TANC1: variants seen among roughly 807,000 people sequenced by gnomAD.
TANC1 encodes the protein protein TANC1.
Under a neutral mutation model 149.7 loss-of-function variants are expected in TANC1, and 77 were observed. The observed-to-expected ratio is 0.51, with a 90% CI of 0.43 to 0.62. The LOEUF (loss-of-function observed/expected upper bound fraction) is 0.62. TANC1 is among the 20% of genes least tolerant of loss of function. The probability of loss-of-function intolerance (pLI) is 0.00; values close to 1 mark genes in which losing one functional copy is unlikely to be tolerated. For synonymous variants in TANC1, 854 were observed against 925.0 expected, an observed-to-expected ratio of 0.92 and a Z score of 1.39; for missense variants, 1,985 against 2,321.8, an observed-to-expected ratio of 0.85 and a Z score of 2.98.
chr2:159,099,874 C>G (rs981521856), intron 4 of TANC1, among the ~76,000 whole-genome samples: 1 of 152,134 alleles, frequency 6.6e-6, no homozygotes, highest in South Asian at 2.1e-4. Context: ...TCAACTCTTT[C>G]CCTAACTGCA....
chr2:159,051,539 G>A (rs2041464109), intron 2 of TANC1, among the ~76,000 whole-genome samples: 1 of 152,172 alleles, frequency 6.6e-6, no homozygotes, highest in African/African-American at 2.4e-5. Context: ...ATACCTTCAA[G>A]TATAAGGCTT....
At chr2:159,156,052 A>G (rs573975522) in intron 7 of TANC1, among the ~76,000 whole-genome samples, 153 of 152,326 alleles carry the variant, frequency 1.0e-3, no homozygotes, top group Middle Eastern at 3.4e-3. Context: ...AGGCACACAA[A>G]GATGAATTAA....
intron 19 of TANC1, among the ~76,000 whole-genome samples, chr2:159,217,168 T>C (rs956073583): frequency 2.0e-5 from 3 of 152,086 alleles, no homozygotes; most frequent in African/African-American, 7.2e-5. Context: ...CATCTGGAAC[T>C]GGCAGCCATG....
chr2:159,182,204 T>TGAA (rs2056559268), intron 14 of TANC1, among the ~76,000 whole-genome samples: 1 of 9,526 alleles, frequency 1.0e-4, no homozygotes, highest in African/African-American at 2.2e-4. Flanking sequence ...AACAAAACTG[T>TGAA]CTCAAAAAAA....
chr2:159,225,449 G>C (rs75948878), intron 23 of TANC1: 8,173 of 564,916 alleles, frequency 0.014, 525 homozygotes, highest in African/African-American at 0.14. Flanking sequence ...TTCGCTGCTC[G>C]GATGCCTTCG....
chr2:159,221,509 CT>C (rs1190662873), intron 22 of TANC1, among the ~76,000 whole-genome samples: 3 of 152,204 alleles, frequency 2.0e-5, no homozygotes, highest in African/African-American at 4.8e-5. Flanking sequence ...GCAGGTCCCC[CT>C]GTCTCCCAGC....
chr2:158,999,898 A>G (rs2036474747), intron 1 of TANC1, among the ~76,000 whole-genome samples: 3 of 152,202 alleles, frequency 2.0e-5, no homozygotes, highest in Admixed American at 2.0e-4. Context: ...TTACATAGGT[A>G]TGAGTGGAGT....
At chr2:159,097,922 T>C in intron 4 of TANC1, 88 bp downstream of exon 4, 1 of 1,138,470 alleles carries the variant, frequency 8.8e-7, no homozygotes, top group Non-Finnish European at 1.3e-6. Context: ...AGAAATCTTC[T>C]GGGACAATGT....
intron 2 of TANC1, among the ~76,000 whole-genome samples, chr2:159,030,028 TATTTTGGAGA>T (rs1206235074): frequency 2.0e-5 from 3 of 152,180 alleles, no homozygotes; most frequent in Non-Finnish European, 4.4e-5. Flanking sequence ...CACTGAGAAT[TATTTTGGAGA>T]GAAGTCAACA....
chr2:159,107,913 G>A (rs1403627694), intron 4 of TANC1, among the ~76,000 whole-genome samples: 2 of 152,154 alleles, frequency 1.3e-5, no homozygotes, highest in Non-Finnish European at 2.9e-5. Flanking sequence ...TCTCTGTAAG[G>A]ACTGCTGTCT....
chr2:159,197,044 T>C (rs1435886219), intron 18 of TANC1, among the ~76,000 whole-genome samples: 1 of 152,196 alleles, frequency 6.6e-6, no homozygotes, highest in Non-Finnish European at 1.5e-5. Flanking sequence ...CACTCTCAGC[T>C]CTTCCTCATG....
chr2:159,075,587 A>AAAGAAAAT (rs1202169057), intron 3 of TANC1, among the ~76,000 whole-genome samples: 1 of 152,140 alleles, frequency 6.6e-6, no homozygotes, highest in Admixed American at 6.6e-5. Context: ...TCCACAAAAA[A>AAAGAAAAT]AAGAAAATAG....
intron 4 of TANC1, among the ~76,000 whole-genome samples, chr2:159,111,315 T>C (rs577386840): frequency 1.3e-5 from 2 of 152,304 alleles, no homozygotes; most frequent in East Asian, 3.9e-4. Flanking sequence ...AAAACTCCGG[T>C]TGAAACTGAG....
intron 4 of TANC1, 74 bp downstream of exon 4, chr2:159,097,908 C>A: frequency 8.0e-7 from 1 of 1,244,094 alleles, no homozygotes; most frequent in Non-Finnish European, 1.1e-6. Flanking sequence ...AACTAGTGCC[C>A]ATGAGAAATC....
chr2:159,196,048 C>G (rs1027040386), intron 17 of TANC1, among the ~76,000 whole-genome samples: 2 of 152,160 alleles, frequency 1.3e-5, no homozygotes, highest in Admixed American at 6.5e-5. Context: ...TGGCCGCCCC[C>G]CCTTTACTTG....
rs2060316329 is a variant in TANC1, at chr2:159,231,147, T to C, written c.*135T>C. ...TGGGGTGGATCTGATGCCATTGATA[T>C]ATCTAAAATGTGGGATAAAACTTCT... On this transcript the variant is annotated 3_prime_UTR_variant, in exon 27 of 27. Transcript: ENST00000263635. 6.1e-6 allele frequency: 4 copies of C among 651,088 alleles called. No homozygotes were observed. The Admixed American group carries it at 9.2e-5, about 15-fold the overall frequency. 40.3% of individuals were successfully genotyped at this position (651,088 alleles called of 1,614,324 possible). A position where few individuals can be genotyped will look rare whatever the true frequency, so the allele number is the denominator to read the frequency against.
intron 1 of TANC1, among the ~76,000 whole-genome samples, chr2:158,978,025 C>T (rs930993396): frequency 5.9e-5 from 9 of 152,178 alleles, no homozygotes; most frequent in African/African-American, 1.9e-4. Flanking sequence ...TCCTTTTAGT[C>T]TCCCTAGTAC....
At chr2:159,170,264 A>T (rs1025829734) in intron 9 of TANC1, among the ~76,000 whole-genome samples, 4 of 152,200 alleles carry the variant, frequency 2.6e-5, no homozygotes, top group African/African-American at 7.2e-5. Flanking sequence ...TTGAGTCCTG[A>T]GAATAATTCA....
intron 2 of TANC1, among the ~76,000 whole-genome samples, chr2:159,044,431 C>G (rs1403338479): frequency 1.3e-5 from 2 of 152,082 alleles, no homozygotes; most frequent in Non-Finnish European, 2.9e-5. Flanking sequence ...GCATGAAACC[C>G]TGTCTTAAAA....
Sources: gnomAD v4.1 joint callset for allele counts (sites outside exome capture counted in the v4.1 genomes callset) on GRCh38, gnomAD v4.1.1 for gene constraint, MANE v1.5 for transcripts, NCBI Gene and HGNC (gene_info 2026-07-23, HGNC 2026-07-21) for gene names.